Variants in OPN5 observed in about 807,000 individuals in gnomAD.
OPN5 encodes opsin-5.
Under a neutral mutation model 41.7 loss-of-function variants are expected in OPN5, and 18 were observed. The observed-to-expected ratio is 0.43, with a 90% CI of 0.30 to 0.64. The LOEUF (loss-of-function observed/expected upper bound fraction) is 0.64. Among genes scored for constraint, OPN5 ranks in the 30% least tolerant of loss-of-function variants. The pLI, the probability that OPN5 is intolerant of heterozygous loss-of-function variation, is 0.13. For synonymous variants in OPN5, 178 were observed against 164.3 expected, an observed-to-expected ratio of 1.08 and a Z score of -0.64; for missense variants, 318 against 434.5, an observed-to-expected ratio of 0.73 and a Z score of 2.38.
intron 5 of OPN5, among the ~76,000 whole-genome samples, chr6:47,810,538 T>C (rs144518326): frequency 6.8e-6 from 1 of 146,302 alleles, no homozygotes; most frequent in Non-Finnish European, 1.5e-5. Context: ...GATTAATCAA[T>C]ATCCTTATTC....
chr6:47,816,476 T>C (rs1055920764), intron 6 of OPN5, among the ~76,000 whole-genome samples: 1 of 152,124 alleles, frequency 6.6e-6, no homozygotes, highest in Admixed American at 6.6e-5. Context: ...CCTGTTATCT[T>C]TGGGTGTTTG....
At chr6:47,795,602 A>G in intron 4 of OPN5, 39 bp downstream of exon 4, 1 of 1,388,116 alleles carries the variant, frequency 7.2e-7, no homozygotes, top group Non-Finnish European at 1.0e-6. Flanking sequence ...TTTTCTGACT[A>G]CTTACAACTT....
At chr6:47,806,166 G>A (rs1158358121) in intron 4 of OPN5, among the ~76,000 whole-genome samples, 2 of 151,764 alleles carry the variant, frequency 1.3e-5, no homozygotes, top group African/African-American at 4.8e-5. Context: ...GTGAACAAAC[G>A]AACAAACAAA....
intron 4 of OPN5, among the ~76,000 whole-genome samples, chr6:47,802,898 T>C: frequency 6.6e-6 from 1 of 152,224 alleles, no homozygotes; most frequent in East Asian, 1.9e-4. Flanking sequence ...AGTAGCGGTA[T>C]TTTAAGATTC....
intron 6 of OPN5, among the ~76,000 whole-genome samples, chr6:47,820,613 A>T (rs1171459344): frequency 6.6e-6 from 1 of 152,134 alleles, no homozygotes; most frequent in African/African-American, 2.4e-5. Context: ...GGCTTTTCGG[A>T]TAAGGGAACC....
At chr6:47,824,118 AAAT>A (rs1183847793) in exon 7 of OPN5, 2 of 735,660 alleles carry the variant, frequency 2.7e-6, no homozygotes, top group Non-Finnish European at 4.8e-6. Flanking sequence ...TGTCAGGAAA[AAAT>A]AATTCACAAG....
chr6:47,783,733 G>T (rs866943290), intron 1 of OPN5, among the ~76,000 whole-genome samples: 26 of 152,254 alleles, frequency 1.7e-4, no homozygotes, highest in Middle Eastern at 3.4e-3. Context: ...CAAACATTCT[G>T]CTGGAACAGA....
chr6:47,818,269 C>G (rs752499357), intron 6 of OPN5, among the ~76,000 whole-genome samples: 10 of 151,804 alleles, frequency 6.6e-5, no homozygotes, highest in African/African-American at 1.7e-4. Context: ...GGGATTTATT[C>G]AAACTGCTCA....
At chr6:47,785,456 T>G (rs1260288019) in intron 1 of OPN5, among the ~76,000 whole-genome samples, 1 of 152,200 alleles carries the variant, frequency 6.6e-6, no homozygotes, top group Non-Finnish European at 1.5e-5. Flanking sequence ...ATCACACATT[T>G]CTTTCTTTGC....
chr6:47,808,404 T>C lies in OPN5; in HGVS notation c.998+9T>C, dbSNP rs1774059597. The C allele has an allele frequency of 6.2e-7, 1 of 1,613,688 alleles. No homozygotes were observed. Among genetic ancestry groups the C allele is most frequent in the African/African-American group, 1.3e-5 (1 of 74,850 alleles). On this transcript the variant is annotated intron_variant, in intron 5 of 6. Coordinates refer to ENST00000371211, the Ensembl canonical transcript of OPN5. ...TCTCTGGAAGGCTTCAGGTAAAACT[T>C]CAGAAGCTGGAAATGAATTACACTC...
intron 1 of OPN5, among the ~76,000 whole-genome samples, chr6:47,784,367 G>T (rs1460172925): frequency 6.6e-6 from 1 of 152,082 alleles, no homozygotes; most frequent in Non-Finnish European, 1.5e-5. Flanking sequence ...TGCGATCTCG[G>T]CTCACTGCAA....
At chr6:47,823,530 G>A (rs1762701143) in intron 6 of OPN5, 1 of 174,352 alleles carries the variant, frequency 5.7e-6, no homozygotes, top group Middle Eastern at 2.7e-3. Context: ...GGTAGTGCGG[G>A]ACTGTGTTCA....
At chr6:47,811,860 CT>C in intron 6 of OPN5, 129 bp downstream of exon 6, 3 of 545,932 alleles carry the variant, frequency 5.5e-6, no homozygotes, top group Middle Eastern at 3.1e-4. Context: ...TACAGTTTTC[CT>C]CAAGCCAGGG....
At chr6:47,823,856 G>A (rs1362421029) in intron 6 of OPN5, 127 bp from the exon 7 acceptor site, 6 of 733,786 alleles carry the variant, frequency 8.2e-6, no homozygotes, top group Non-Finnish European at 1.5e-5. Flanking sequence ...CAGTGACAAT[G>A]TCCATCGCAA....
At chr6:47,808,352 G>T in exon 5 of OPN5, 1 of 1,614,042 alleles carries the variant, frequency 6.2e-7, no homozygotes, top group Non-Finnish European at 8.5e-7. Context: ...TTGCCAAACT[G>T]GTGGTTTGAA....
At chr6:47,818,158 T>A (rs1164983122) in intron 6 of OPN5, among the ~76,000 whole-genome samples, 1 of 152,160 alleles carries the variant, frequency 6.6e-6, no homozygotes, top group African/African-American at 2.4e-5. Flanking sequence ...TCCACATATA[T>A]ACACATCCAA....
chr6:47,807,602 G>A (rs952961955), intron 4 of OPN5, among the ~76,000 whole-genome samples: 1 of 152,156 alleles, frequency 6.6e-6, no homozygotes, highest in African/African-American at 2.4e-5. Context: ...GAATCTCAAT[G>A]ACTTATTTTA....
chr6:47,795,116 G>C (rs749321500), intron 3 of OPN5, 113 bp from the exon 4 acceptor site: 8 of 858,306 alleles, frequency 9.3e-6, no homozygotes, highest in Non-Finnish European at 1.4e-5. Context: ...ATCTGCCCAG[G>C]TCTCCCAGAA....
Position 47,821,933 on chromosome 6 carries a change from C to T in OPN5, c.1057-2050C>T, listed in dbSNP as rs1000030318. On this transcript the variant is annotated intron_variant, in intron 6 of 6. Coordinates refer to ENST00000371211, the Ensembl canonical transcript of OPN5. ...TTCAAGAGCAGCCTGGCCAATATGG[C>T]AAAACCCCTCTCTACTAAAAATATA... 5.9e-5 allele frequency among the ~76,000 whole-genome samples: 9 copies of T among 152,070 alleles called. No homozygotes were observed. In the South Asian group the frequency reaches 1.9e-3, roughly 32 times the overall value.
Sources: allele counts gnomAD v4.1 joint callset (sites outside exome capture counted in the v4.1 genomes callset), GRCh38; gene constraint gnomAD v4.1.1; transcripts MANE v1.5; gene names NCBI Gene and HGNC (gene_info 2026-07-23, HGNC 2026-07-21).